Variants in IRF8 observed in about 807,000 individuals in gnomAD.
IRF8 encodes the protein interferon regulatory factor 8.
IRF8 carries 14 observed loss-of-function variants against 48.7 expected under a neutral mutation model. That is an observed-to-expected ratio of 0.29 (90% CI 0.19 to 0.45). The LOEUF is 0.45. Among genes scored for constraint, IRF8 ranks in the 20% least tolerant of loss-of-function variants. IRF8 has a pLI of 1.00. For synonymous variants in IRF8, 278 were observed against 227.3 expected, an observed-to-expected ratio of 1.22 and a Z score of -2.01; for missense variants, 493 against 580.7, an observed-to-expected ratio of 0.85 and a Z score of 1.55.
intron 2 of IRF8, among the ~76,000 whole-genome samples, chr16:85,904,878 T>C: frequency 6.7e-6 from 1 of 148,776 alleles, no homozygotes; most frequent in Non-Finnish European, 1.5e-5. Context: ...ACTGCAAATG[T>C]AAACAGTGCC....
intron 6 of IRF8, 31 bp downstream of exon 6, chr16:85,914,551 G>A (rs1567475053): frequency 6.2e-7 from 1 of 1,613,464 alleles, no homozygotes; most frequent in Non-Finnish European, 8.5e-7. Flanking sequence ...AGAGGGGCGT[G>A]GGCACTGTTT....
intron 6 of IRF8, among the ~76,000 whole-genome samples, chr16:85,914,966 G>C (rs1905256164): frequency 6.6e-6 from 1 of 152,232 alleles, no homozygotes; most frequent in African/African-American, 2.4e-5. Flanking sequence ...AACTGTGCAG[G>C]AGAGACAGTG....
intron 1 of IRF8, chr16:85,901,297 A>G (rs1280765581): frequency 6.6e-6 from 1 of 152,254 alleles, no homozygotes; most frequent in African/African-American, 2.4e-5. Context: ...GTCTGGTTAG[A>G]GAAAAGCCTT....
At chr16:85,916,736 A>T (rs541700569) in intron 6 of IRF8, among the ~76,000 whole-genome samples, 1 of 152,318 alleles carries the variant, frequency 6.6e-6, no homozygotes, top group South Asian at 2.1e-4. Context: ...TTTGGAACAA[A>T]GTTCGAAAGT....
At chr16:85,906,066 A>C (rs1385204739) in intron 2 of IRF8, among the ~76,000 whole-genome samples, 2 of 152,330 alleles carry the variant, frequency 1.3e-5, no homozygotes, top group East Asian at 1.9e-4. Context: ...AAGGGGGGAA[A>C]ATCTAGTTAA....
rs1313267941 is a variant in IRF8 at position 85,906,627 on chromosome 16, C to T, written c.175-2363C>T. ...GCGTGAACGAGTGAGTATGGCAGTG[C>T]CTTGCAGGCACCGCGGTTGCGTATG... On this transcript the variant is annotated intron_variant, in intron 2 of 8. Transcript: ENST00000268638. Among the ~76,000 whole-genome samples the T allele has an allele frequency of 2.0e-5, 3 of 152,200 alleles. No homozygotes were observed. In the East Asian group the frequency reaches 5.8e-4, roughly 29 times the overall value.
chr16:85,905,306 C>T (rs1040699719), intron 2 of IRF8, among the ~76,000 whole-genome samples: 5 of 152,192 alleles, frequency 3.3e-5, no homozygotes, highest in Non-Finnish European at 7.3e-5. Flanking sequence ...ATGTGGCATG[C>T]TGACGGAGAC....
chr16:85,918,328 G>A (rs763370344), intron 6 of IRF8, 89 bp from the exon 7 acceptor site: 26 of 1,440,300 alleles, frequency 1.8e-5, no homozygotes, highest in South Asian at 2.6e-5. Context: ...AGAGTTACCC[G>A]TGTAGGTGTG....
At chr16:85,913,002 T>C in intron 4 of IRF8, 129 bp from the exon 5 acceptor site, 2 of 804,912 alleles carry the variant, frequency 2.5e-6, no homozygotes, top group Non-Finnish European at 4.4e-6. Context: ...AACTTGACTT[T>C]TGTCTCCTGA....
intron 4 of IRF8, among the ~76,000 whole-genome samples, chr16:85,912,138 G>T (rs1307625107): frequency 1.3e-5 from 2 of 152,216 alleles, no homozygotes; most frequent in African/African-American, 4.8e-5. Context: ...TTCCTTAACG[G>T]ATTGGAAAGC....
chr16:85,919,479 G>A (rs1370814659), intron 7 of IRF8, among the ~76,000 whole-genome samples: 2 of 152,214 alleles, frequency 1.3e-5, no homozygotes, highest in Admixed American at 6.5e-5. Context: ...CTGGAAGGGC[G>A]GGTGCAGGGG....
intron 3 of IRF8, among the ~76,000 whole-genome samples, chr16:85,910,070 G>C (rs1173215788): frequency 1.3e-5 from 2 of 152,176 alleles, no homozygotes; most frequent in Admixed American, 6.5e-5. Flanking sequence ...CCGCTGTGGG[G>C]GTGTTGACTT....
intron 4 of IRF8, 29 bp downstream of exon 4, chr16:85,911,687 G>C: frequency 3.8e-6 from 6 of 1,586,514 alleles, no homozygotes; most frequent in South Asian, 1.1e-5. Context: ...TCAGGGGTCT[G>C]GCCCTGCCAG....
intron 2 of IRF8, among the ~76,000 whole-genome samples, chr16:85,904,810 A>ATTTTT (rs1418168585): frequency 1.5e-5 from 1 of 64,634 alleles, no homozygotes; most frequent in African/African-American, 1.1e-4. Context: ...TTGATTGCAG[A>ATTTTT]TCTTTTTTTT....
rs1423226046 is a variant in IRF8, at chr16:85,902,897, T to C, written c.-1-118T>C. On this transcript the variant is annotated intron_variant, in intron 1 of 8. Coordinates refer to ENST00000268638, the MANE Select transcript of IRF8 (RefSeq NM_002163.4). ...CCCGGAGTCCCTGAATCTGTGGGTT[T>C]CCCCCAAGCCAGCACCTTTGCTGCA... 4.6e-6 allele frequency: 5 copies of C among 1,098,434 alleles called. No individual in the cohort carries two copies. The Admixed American group carries it at 6.8e-5, about 15-fold the overall frequency. 68.0% of individuals were successfully genotyped at this position (1,098,434 alleles called of 1,614,324 possible).
Position 85,921,216 on chromosome 16 carries a change from GT to G in IRF8, c.1218del (p.Pro407GlnfsTer46), listed in dbSNP as rs774781403. ...CGCCGCCAGACCAGGTCTTCCGGAT[GT>G]TTCCAGATATTTGTGCCTCACACCA... is the stretch of plus-strand genomic sequence containing the variant. ...EPPPDQVFRMFPDICASHQRS... is the reference protein window; with the variant it reads ...EPPPDQVFRMXPDICASHQRS... On this transcript the variant is annotated frameshift_variant, in exon 9 of 9. Coordinates refer to ENST00000268638, the MANE Select transcript of IRF8 (RefSeq NM_002163.4). LOFTEE classifies it high-confidence loss of function. 6.2e-7 allele frequency: 1 copy of G among 1,614,232 alleles called. No homozygotes were observed. Among genetic ancestry groups the G allele is most frequent in the Non-Finnish European group, 8.5e-7 (1 of 1,180,054 alleles).
At chr16:85,903,456 T>A in intron 2 of IRF8, 1 of 459,862 alleles carries the variant, frequency 2.2e-6, no homozygotes, top group Non-Finnish European at 4.0e-6. Flanking sequence ...TGCTGCTTCC[T>A]TTTCCTGATG....
intron 3 of IRF8, chr16:85,909,920 T>A (rs1005416899): frequency 2.6e-5 from 4 of 152,272 alleles, no homozygotes; most frequent in African/African-American, 9.6e-5. Context: ...TTGATTTTCT[T>A]AGCCACTTGA....
chr16:85,899,824 G>GA (rs1904769800), intron 1 of IRF8, among the ~76,000 whole-genome samples: 1 of 152,182 alleles, frequency 6.6e-6, no homozygotes, highest in African/African-American at 2.4e-5. Flanking sequence ...AAAATTTATT[G>GA]AAAGAACATT....
Sources: allele counts gnomAD v4.1 joint callset (sites outside exome capture counted in the v4.1 genomes callset), GRCh38; gene constraint gnomAD v4.1.1; transcripts MANE v1.5; gene names NCBI Gene and HGNC (gene_info 2026-07-23, HGNC 2026-07-21).